Variants in CPQ observed in about 807,000 individuals in gnomAD.
CPQ encodes Ser-Met dipeptidase.
CPQ carries 37 observed loss-of-function variants against 45.7 expected under a neutral mutation model. That is an observed-to-expected ratio of 0.81 (90% CI 0.62 to 1.07). CPQ has a LOEUF of 1.07. Ranked by LOEUF, CPQ falls within the 50% of genes least tolerant of loss-of-function variation. The probability of loss-of-function intolerance (pLI) is 0.00; values close to 1 mark genes in which losing one functional copy is unlikely to be tolerated. For synonymous variants in CPQ, 186 were observed against 205.8 expected, an observed-to-expected ratio of 0.90 and a Z score of 0.82; for missense variants, 537 against 572.9, an observed-to-expected ratio of 0.94 and a Z score of 0.64.
chr8:96,817,788 A>T (rs1049945768), intron 2 of CPQ, among the ~76,000 whole-genome samples: 2 of 151,634 alleles, frequency 1.3e-5, no homozygotes, highest in Admixed American at 6.6e-5. Context: ...TAATTTTAAA[A>T]TTTTTTTGTG....
chr8:96,732,789 C>T (rs1273679347), intron 1 of CPQ, among the ~76,000 whole-genome samples: 1 of 152,176 alleles, frequency 6.6e-6, no homozygotes, highest in African/African-American at 2.4e-5. Context: ...TGCTCACATC[C>T]AGGTACTGAA....
intron 3 of CPQ, among the ~76,000 whole-genome samples, chr8:96,845,623 C>T (rs187108855): frequency 5.3e-5 from 8 of 152,124 alleles, no homozygotes; most frequent in African/African-American, 1.9e-4. Flanking sequence ...CCTGGGACCA[C>T]AGACACAAGG....
At chr8:96,695,913 T>C (rs201509352) in intron 1 of CPQ, among the ~76,000 whole-genome samples, 47,511 of 143,206 alleles carry the variant, frequency 0.33, 8,279 homozygotes, top group East Asian at 0.58. Flanking sequence ...ACTAGAAATA[T>C]CATTTGACCC....
chr8:96,936,251 C>T (rs1359665326), intron 4 of CPQ, among the ~76,000 whole-genome samples: 4 of 152,090 alleles, frequency 2.6e-5, no homozygotes, highest in Non-Finnish European at 5.9e-5. Flanking sequence ...TACTGTGGGT[C>T]TAATGCAGTA....
At chr8:97,113,472 G>A (rs1031862645) in intron 7 of CPQ, among the ~76,000 whole-genome samples, 7 of 152,214 alleles carry the variant, frequency 4.6e-5, no homozygotes, top group African/African-American at 9.6e-5. Flanking sequence ...TATAGGCACA[G>A]TGTTTACTGA....
At chr8:96,685,841 G>T (rs1162068341) in intron 1 of CPQ, among the ~76,000 whole-genome samples, 2 of 152,042 alleles carry the variant, frequency 1.3e-5, no homozygotes, top group African/African-American at 4.8e-5. Flanking sequence ...AACATTTAGA[G>T]TTTTCTTATC....
intron 1 of CPQ, among the ~76,000 whole-genome samples, chr8:96,695,658 G>C (rs946718524): frequency 9.9e-5 from 15 of 151,928 alleles, no homozygotes; most frequent in South Asian, 4.1e-4. Flanking sequence ...CTCAAAGGAA[G>C]ACATTTATGC....
chr8:96,928,200 GT>G (rs1812918766), intron 4 of CPQ, among the ~76,000 whole-genome samples: 1 of 152,136 alleles, frequency 6.6e-6, no homozygotes. Flanking sequence ...TGCTCTTTCA[GT>G]TCCAAACCCT....
intron 1 of CPQ, among the ~76,000 whole-genome samples, chr8:96,684,055 G>A (rs933457706): frequency 1.3e-5 from 2 of 151,952 alleles, no homozygotes; most frequent in Non-Finnish European, 2.9e-5. Flanking sequence ...TTTACTTTGG[G>A]ATCTCTTACT....
intron 4 of CPQ, among the ~76,000 whole-genome samples, chr8:96,910,039 T>G (rs1185848891): frequency 2.0e-5 from 3 of 152,186 alleles, no homozygotes; most frequent in Non-Finnish European, 4.4e-5. Context: ...TTGAGTCCTC[T>G]TCACTGAGTT....
At chr8:96,863,627 T>C (rs1280293066) in intron 3 of CPQ, among the ~76,000 whole-genome samples, 1 of 152,128 alleles carries the variant, frequency 6.6e-6, no homozygotes, top group African/African-American at 2.4e-5. Flanking sequence ...AAGAATGTAC[T>C]GATTATATGC....
intron 7 of CPQ, among the ~76,000 whole-genome samples, chr8:97,136,597 A>G (rs1406881705): frequency 2.0e-5 from 3 of 152,130 alleles, no homozygotes; most frequent in Non-Finnish European, 4.4e-5. Flanking sequence ...TCTAAACCCC[A>G]TATTCTCTCA....
Position 97,061,850 on chromosome 8 carries a change from A to G in CPQ, c.1054-4159A>G, listed in dbSNP as rs185901146. On this transcript the variant is annotated intron_variant, in intron 6 of 7. Coordinates refer to ENST00000220763, the MANE Select transcript of CPQ (RefSeq NM_016134.4). ...AGTTATGCCCTAGCCTTTACAATGT[A>G]CTGTTTTTGACAATTCCATGAGCTG... Among the ~76,000 whole-genome samples, 181 of 152,190 alleles carry G rather than the reference A, an allele frequency of 1.2e-3. 2 individuals are homozygous for G. Among genetic ancestry groups the G allele is most frequent in the Admixed American group, 0.011 (164 of 15,276 alleles).
In CPQ at chr8:96,973,304, A is replaced by G. The variant is rs574042791; in HGVS notation, c.961+7258A>G. Among the ~76,000 whole-genome samples the G allele has an allele frequency of 4.6e-5, 7 of 152,196 alleles. No individual in the cohort carries two copies. The South Asian group carries it at 1.2e-3, about 27-fold the overall frequency. On this transcript the variant is annotated intron_variant, in intron 5 of 7. Transcript: ENST00000220763. The stretch of plus-strand genomic sequence containing the variant: ...AAAGACAAGGCTTTCAAATTAACCT[A>G]ATCTGTCAAAGACAAAGAAAAAAGA...
chr8:96,793,537 G>T (rs1211898727), intron 2 of CPQ, among the ~76,000 whole-genome samples: 4 of 152,276 alleles, frequency 2.6e-5, no homozygotes, highest in Non-Finnish European at 5.9e-5. Flanking sequence ...CAAGATCAGA[G>T]TTGGGTTGGG....
intron 6 of CPQ, among the ~76,000 whole-genome samples, chr8:97,053,820 A>C (rs528038480): frequency 6.6e-6 from 1 of 152,212 alleles, no homozygotes; most frequent in Admixed American, 6.5e-5. Flanking sequence ...GCAAGACAAG[A>C]GTGTAGTTTG....
intron 7 of CPQ, among the ~76,000 whole-genome samples, chr8:97,095,160 T>C (rs760046846): frequency 3.3e-5 from 5 of 152,204 alleles, no homozygotes; most frequent in Non-Finnish European, 5.9e-5. Context: ...AAGATAACTC[T>C]ATAGATTCTC....
At chr8:97,078,290 C>T (rs1424333705) in intron 7 of CPQ, among the ~76,000 whole-genome samples, 3 of 152,132 alleles carry the variant, frequency 2.0e-5, no homozygotes, top group African/African-American at 7.2e-5. Context: ...GCTATCTCTT[C>T]AAAGAATCCA....
intron 6 of CPQ, among the ~76,000 whole-genome samples, chr8:97,036,669 A>T (rs907541709): frequency 6.6e-6 from 1 of 152,188 alleles, no homozygotes; most frequent in Non-Finnish European, 1.5e-5. Context: ...TGGACAAAGG[A>T]GAAAAAACAT....
Sources: allele counts gnomAD v4.1 joint callset (sites outside exome capture counted in the v4.1 genomes callset), GRCh38; gene constraint gnomAD v4.1.1; transcripts MANE v1.5; gene names NCBI Gene and HGNC (gene_info 2026-07-23, HGNC 2026-07-21).